The following BABAM2 variants were observed in gnomAD, a reference collection of about 807,000 sequenced individuals.
BABAM2 encodes the protein BRISC and BRCA1 A complex member 2.
BABAM2 carries 31 observed loss-of-function variants against 54.7 expected under a neutral mutation model. The observed-to-expected ratio is 0.57, with a 90% CI of 0.43 to 0.77. The LOEUF is 0.77. Ranked by LOEUF, BABAM2 falls within the 30% of genes least tolerant of loss-of-function variation. The pLI, the probability that BABAM2 is intolerant of heterozygous loss-of-function variation, is 0.00. For missense variants in BABAM2, 364 were observed against 455.8 expected, an observed-to-expected ratio of 0.80 and a Z score of 1.83; for synonymous variants, 167 against 162.9, an observed-to-expected ratio of 1.03 and a Z score of -0.19.
intron 3 of BABAM2, among the ~76,000 whole-genome samples, chr2:27,986,737 ACT>A (rs1672423817): frequency 6.6e-6 from 1 of 152,186 alleles, no homozygotes; most frequent in Admixed American, 6.5e-5. Context: ...TTTTATAGAT[ACT>A]GTTTGAGCAG....
At position 28,295,012 on chromosome 2, in the gene BABAM2, G is replaced by C. The variant is rs544342260; in HGVS notation, c.935-3326G>C. Reference sequence around the variant, plus strand: ...CTGTGGTAGATATCAACATTACCTTGCTGCTGTTTTTTAAAAATCAGAACA... The same window carrying C: ...CTGTGGTAGATATCAACATTACCTTCCTGCTGTTTTTTAAAAATCAGAACA... On this transcript the variant is annotated intron_variant, in intron 10 of 11. Coordinates refer to ENST00000379624, the MANE Select transcript of BABAM2 (RefSeq NM_199191.3). Among the ~76,000 whole-genome samples, 3 of 152,256 alleles carry C rather than the reference G, an allele frequency of 2.0e-5. No individual in the cohort carries two copies. In the South Asian group the frequency reaches 6.2e-4, roughly 32 times the overall value.
At chr2:28,014,798 A>G (rs989229467) in intron 4 of BABAM2, among the ~76,000 whole-genome samples, 1 of 152,048 alleles carries the variant, frequency 6.6e-6, no homozygotes, top group African/African-American at 2.4e-5. Flanking sequence ...ATTGCAGCCT[A>G]AACAAAATTC....
At chr2:28,112,187 C>CTTCCTTCCTTCCTTCCTTCCT (rs1397038834) in intron 6 of BABAM2, among the ~76,000 whole-genome samples, 1 of 77,106 alleles carries the variant, frequency 1.3e-5, no homozygotes, top group Non-Finnish European at 2.5e-5. Flanking sequence ...CCCTCCCTCC[C>CTTCCTTCCTTCCTTCCTTCCT]TCCCTCCCTC....
At chr2:27,907,533 A>G (rs941673910) in intron 2 of BABAM2, among the ~76,000 whole-genome samples, 6 of 152,216 alleles carry the variant, frequency 3.9e-5, no homozygotes, top group Non-Finnish European at 7.3e-5. Context: ...TAAAATATAC[A>G]TAACATAAAT....
intron 2 of BABAM2, among the ~76,000 whole-genome samples, chr2:27,916,474 A>G (rs1207830731): frequency 1.3e-5 from 2 of 152,242 alleles, no homozygotes; most frequent in African/African-American, 4.8e-5. Flanking sequence ...AATAGCAAAC[A>G]GTCCAGGACA....
intron 11 of BABAM2, among the ~76,000 whole-genome samples, chr2:28,336,478 C>T (rs1558541048): frequency 2.0e-5 from 3 of 152,238 alleles, no homozygotes; most frequent in East Asian, 1.9e-4. Context: ...GCTGGGCTAG[C>T]GGTGCTGCAG....
chr2:28,243,122 T>G (rs560424501), intron 9 of BABAM2, among the ~76,000 whole-genome samples: 1 of 152,280 alleles, frequency 6.6e-6, no homozygotes, highest in Non-Finnish European at 1.5e-5. Flanking sequence ...TGTGTACATT[T>G]TATTATGCAT....
At chr2:28,286,744 C>T (rs185735944) in intron 10 of BABAM2, among the ~76,000 whole-genome samples, 6 of 152,274 alleles carry the variant, frequency 3.9e-5, no homozygotes, top group Admixed American at 3.3e-4. Context: ...GTGGTTGACA[C>T]CTCTGTTATA....
chr2:28,114,089 G>T (rs1386138599), intron 6 of BABAM2, among the ~76,000 whole-genome samples: 1 of 152,168 alleles, frequency 6.6e-6, no homozygotes, highest in African/African-American at 2.4e-5. Context: ...AAAGCTGGCA[G>T]CATTCCCTTT....
At chr2:27,940,448 T>A (rs1655839482) in intron 3 of BABAM2, among the ~76,000 whole-genome samples, 1 of 152,218 alleles carries the variant, frequency 6.6e-6, no homozygotes, top group African/African-American at 2.4e-5. Flanking sequence ...TAATAAATGT[T>A]TGTGGAAAGA....
At chr2:28,140,406 A>G (rs545180223) in intron 7 of BABAM2, among the ~76,000 whole-genome samples, 43 of 152,302 alleles carry the variant, frequency 2.8e-4, no homozygotes, top group African/African-American at 9.6e-4. Context: ...GCTTGACTAC[A>G]AAGAGGCAGG....
At chr2:27,906,182 G>A (rs1443329004) in intron 2 of BABAM2, among the ~76,000 whole-genome samples, 1 of 152,150 alleles carries the variant, frequency 6.6e-6, no homozygotes, top group African/African-American at 2.4e-5. Context: ...GGAACTTTGG[G>A]TGTTTATCTA....
At chr2:28,283,212 C>T (rs1686525800) in intron 10 of BABAM2, among the ~76,000 whole-genome samples, 1 of 152,062 alleles carries the variant, frequency 6.6e-6, no homozygotes, top group South Asian at 2.1e-4. Context: ...GGAATCAAGA[C>T]CCTGGGCTTC....
chr2:28,098,008 G>T (rs1046121264), intron 6 of BABAM2, among the ~76,000 whole-genome samples: 3 of 151,838 alleles, frequency 2.0e-5, no homozygotes, highest in Non-Finnish European at 4.4e-5. Flanking sequence ...TTAAAATTTC[G>T]TAGTTTGAAA....
At chr2:28,223,588 A>G (rs1680606706) in intron 7 of BABAM2, among the ~76,000 whole-genome samples, 2 of 152,342 alleles carry the variant, frequency 1.3e-5, no homozygotes, top group East Asian at 3.9e-4. Flanking sequence ...GAGTGAGAGT[A>G]GAGGTCTCCA....
chr2:28,265,383 G>A (rs1308258588), intron 10 of BABAM2, among the ~76,000 whole-genome samples: 2 of 152,114 alleles, frequency 1.3e-5, no homozygotes, highest in Non-Finnish European at 2.9e-5. Flanking sequence ...GCTGAGATCA[G>A]GCCATTGCAC....
chr2:28,241,237 C>T (rs1682401448), intron 8 of BABAM2, 86 bp from the exon 9 acceptor site: 2 of 1,318,560 alleles, frequency 1.5e-6, no homozygotes. Context: ...ACTATTCTTT[C>T]TGCTTCTCTG....
intron 6 of BABAM2, 99 bp downstream of exon 6, chr2:28,045,898 G>C: frequency 1.1e-6 from 1 of 947,606 alleles, no homozygotes; most frequent in South Asian, 2.2e-5. Flanking sequence ...ATTTTGTTCA[G>C]ATGATGAATT....
intron 7 of BABAM2, among the ~76,000 whole-genome samples, chr2:28,224,229 T>A (rs1680668771): frequency 1.3e-5 from 2 of 152,218 alleles, no homozygotes; most frequent in African/African-American, 4.8e-5. Flanking sequence ...ATTAGAAACA[T>A]TAACTATATC....
Sources: gnomAD v4.1 joint callset for allele counts (sites outside exome capture counted in the v4.1 genomes callset) on GRCh38, gnomAD v4.1.1 for gene constraint, MANE v1.5 for transcripts, NCBI Gene and HGNC (gene_info 2026-07-23, HGNC 2026-07-21) for gene names.